Variants in TENM2 observed in about 807,000 individuals in gnomAD.
TENM2 encodes the protein teneurin-2.
Under a neutral mutation model 245.2 loss-of-function variants are expected in TENM2, and 52 were observed. That is an observed-to-expected ratio of 0.21 (90% CI 0.17 to 0.27). The LOEUF (loss-of-function observed/expected upper bound fraction) is 0.27. Ranked by LOEUF, TENM2 falls within the 10% of genes least tolerant of loss-of-function variation. The pLI is 1.00. For synonymous variants in TENM2, 1,363 were observed against 1,438.9 expected, an observed-to-expected ratio of 0.95 and a Z score of 1.19; for missense variants, 3,046 against 3,666.8, an observed-to-expected ratio of 0.83 and a Z score of 4.37.
At chr5:167,498,737 A>G (rs1400163181) in intron 2 of TENM2, among the ~76,000 whole-genome samples, 1 of 148,822 alleles carries the variant, frequency 6.7e-6, no homozygotes, top group Non-Finnish European at 1.5e-5. Flanking sequence ...ATGAATTAAG[A>G]AAAAAAAATA....
the TENM2 span, among the ~76,000 whole-genome samples, chr5:167,027,115 A>C: frequency 2.6e-5 from 4 of 152,220 alleles, no homozygotes; most frequent in African/African-American, 9.6e-5. Flanking sequence ...ACATTTCCGT[A>C]ACCAAGTTGA....
intron 2 of TENM2, among the ~76,000 whole-genome samples, chr5:167,762,400 G>C (rs1028349768): frequency 6.6e-6 from 1 of 152,194 alleles, no homozygotes; most frequent in Non-Finnish European, 1.5e-5. Context: ...GGATCAAAAA[G>C]AACACATAAT....
intron 2 of TENM2, among the ~76,000 whole-genome samples, chr5:167,488,613 C>G (rs891828090): frequency 6.6e-6 from 1 of 152,218 alleles, no homozygotes; most frequent in African/African-American, 2.4e-5. Context: ...CTCACCAAGT[C>G]TCACTCTTCA....
At chr5:167,883,578 T>A (rs1774049720) in intron 3 of TENM2, among the ~76,000 whole-genome samples, 1 of 152,154 alleles carries the variant, frequency 6.6e-6, no homozygotes, top group Non-Finnish European at 1.5e-5. Flanking sequence ...CAGCAAATAA[T>A]CTTGATATTG....
Position 167,310,750 on chromosome 5 carries a change from A to T in TENM2, c.226+25687A>T, listed in dbSNP as rs528513953. Among the ~76,000 whole-genome samples the T allele has an allele frequency of 2.6e-4, 40 of 152,370 alleles. 1 individual carries two copies. In the South Asian group the frequency reaches 3.9e-3, roughly 15 times the overall value. On this transcript the variant is annotated intron_variant, in intron 1 of 28. Coordinates refer to ENST00000518659, the Ensembl canonical transcript of TENM2. The stretch of plus-strand genomic sequence containing the variant: ...GAGATATACACCAGGCTTGGTTGTT[A>T]CATACAAGTTATAGGCTGGAAAATT...
At chr5:167,015,246 C>T in the TENM2 span, among the ~76,000 whole-genome samples, 18 of 152,032 alleles carry the variant, frequency 1.2e-4, no homozygotes, top group African/African-American at 4.1e-4. Flanking sequence ...TCTTTTTCTT[C>T]AAAATGCCGT....
chr5:167,773,826 C>T (rs908599855), intron 2 of TENM2, among the ~76,000 whole-genome samples: 1 of 151,992 alleles, frequency 6.6e-6, no homozygotes, highest in Non-Finnish European at 1.5e-5. Flanking sequence ...TATTACTAAA[C>T]AGCAAGAACT....
intron 2 of TENM2, among the ~76,000 whole-genome samples, chr5:167,655,155 T>C (rs768345616): frequency 3.3e-5 from 5 of 152,020 alleles, no homozygotes; most frequent in Non-Finnish European, 2.9e-5. Flanking sequence ...AGAGAAAAGG[T>C]TTTACAAAGA....
intron 12 of TENM2, 26 bp downstream of exon 14, chr5:168,126,992 T>C: frequency 6.4e-7 from 1 of 1,565,618 alleles, no homozygotes; most frequent in Non-Finnish European, 8.7e-7. Flanking sequence ...TTTTCATAAA[T>C]TGTAGATCTA....
chr5:168,139,643 G>A, intron 12 of TENM2: 1 of 447,522 alleles, frequency 2.2e-6, no homozygotes, highest in Non-Finnish European at 4.5e-6. Context: ...CAGGGAAGGG[G>A]AGGGAGGGAA....
intron 1 of TENM2, among the ~76,000 whole-genome samples, chr5:167,311,424 G>C (rs1756025690): frequency 6.6e-6 from 1 of 152,072 alleles, no homozygotes; most frequent in Non-Finnish European, 1.5e-5. Context: ...TTCAAAATTG[G>C]AATTATATGT....
chr5:167,300,859 C>G (rs576518501), intron 1 of TENM2, among the ~76,000 whole-genome samples: 1 of 152,024 alleles, frequency 6.6e-6, no homozygotes, highest in African/African-American at 2.4e-5. Flanking sequence ...TAAAGTGTCT[C>G]GGCCTAATAA....
intron 2 of TENM2, among the ~76,000 whole-genome samples, chr5:167,548,303 A>T (rs1369894234): frequency 1.3e-5 from 2 of 152,154 alleles, no homozygotes; most frequent in Middle Eastern, 3.4e-3. Flanking sequence ...GTGGTTTAAA[A>T]TTTTTTCTCC....
chr5:167,967,728 C>T (rs916761489), intron 4 of TENM2, among the ~76,000 whole-genome samples: 3 of 152,176 alleles, frequency 2.0e-5, no homozygotes, highest in Non-Finnish European at 2.9e-5. Context: ...CAAGACTTTG[C>T]CCTGAGTCTG....
chr5:167,760,316 C>G (rs1229096342), intron 2 of TENM2, among the ~76,000 whole-genome samples: 2 of 152,136 alleles, frequency 1.3e-5, no homozygotes, highest in South Asian at 2.1e-4. Flanking sequence ...TTTTGTTGTT[C>G]AGGATGGTGA....
intron 9 of TENM2, among the ~76,000 whole-genome samples, chr5:168,105,455 C>T (rs998341155): frequency 2.0e-5 from 3 of 152,078 alleles, no homozygotes; most frequent in Admixed American, 6.5e-5. Context: ...GGGCAGAGGC[C>T]GGCCTTATCA....
intron 25 of TENM2, among the ~76,000 whole-genome samples, chr5:168,235,730 A>G (rs1765370712): frequency 6.6e-6 from 1 of 152,094 alleles, no homozygotes; most frequent in African/African-American, 2.4e-5. Context: ...TCACTTGAAC[A>G]TGCTAGACAG....
intron 3 of TENM2, among the ~76,000 whole-genome samples, chr5:167,876,403 C>T (rs1197980741): frequency 1.3e-5 from 2 of 152,142 alleles, no homozygotes; most frequent in African/African-American, 4.8e-5. Context: ...CTTATCTTAA[C>T]AGGATTTGGG....
chr5:167,041,821 G>C, the TENM2 span, among the ~76,000 whole-genome samples: 1 of 152,134 alleles, frequency 6.6e-6, no homozygotes, highest in African/African-American at 2.4e-5. Context: ...GGGCACAAGT[G>C]GTCCATGCTG....
Sources: gnomAD v4.1 joint callset for allele counts (sites outside exome capture counted in the v4.1 genomes callset) on GRCh38, gnomAD v4.1.1 for gene constraint, MANE v1.5 for transcripts, NCBI Gene and HGNC (gene_info 2026-07-23, HGNC 2026-07-21) for gene names.